Variants in PHACTR1 observed in about 807,000 individuals in gnomAD.
PHACTR1 encodes the protein phosphatase and actin regulator 1.
In PHACTR1, 16 loss-of-function variants were observed where a neutral mutation model predicts 69.2. The observed-to-expected ratio is 0.23, with a 90% CI of 0.16 to 0.35. The LOEUF is 0.35. Ranked by LOEUF, PHACTR1 falls within the 10% of genes least tolerant of loss-of-function variation. PHACTR1 has a pLI of 1.00. For synonymous variants in PHACTR1, 312 were observed against 284.5 expected (o/e 1.10, Z -0.97); for missense variants, 510 against 734.7 (o/e 0.69, Z 3.54).
In PHACTR1 at chr6:13,131,875, A is replaced by AC. The variant is rs1583496885; in HGVS notation, c.416-28329_416-28328insC. 2.6e-5 allele frequency among the ~76,000 whole-genome samples: 4 copies of AC among 152,360 alleles called. No homozygotes were observed. In the East Asian group the frequency reaches 7.7e-4, roughly 29 times the overall value. ...TCCTTTCCTGTTATTTTATTAATGT[A>AC]GAAAGGGAATTCACAAAGCTGGAAG... On this transcript the variant is annotated intron_variant, in intron 5 of 14. Transcript: ENST00000332995.
At chr6:12,851,800 C>A (rs1779853290) in intron 4 of PHACTR1, among the ~76,000 whole-genome samples, 1 of 152,028 alleles carries the variant, frequency 6.6e-6, no homozygotes, top group Admixed American at 6.6e-5. Flanking sequence ...GGTACTACCA[C>A]TGAAAAACAA....
chr6:13,084,995 AT>A (rs1812038823), intron 5 of PHACTR1, among the ~76,000 whole-genome samples: 1 of 152,156 alleles, frequency 6.6e-6, no homozygotes, highest in Non-Finnish European at 1.5e-5. Context: ...AGAAATATTA[AT>A]AAATCCAAAT....
Position 13,283,362 on chromosome 6 carries a change from G to C in PHACTR1, c.1510-60G>C. ...TCCACACCTGCAAGTTCACAGACAGGACCAAGTGCCATGGTCAACCCTTCT... is the reference window on the plus strand; with the variant it reads ...TCCACACCTGCAAGTTCACAGACAGCACCAAGTGCCATGGTCAACCCTTCT... On this transcript the variant is annotated intron_variant, in intron 12 of 14. Coordinates refer to ENST00000332995, the MANE Select transcript of PHACTR1 (RefSeq NM_030948.6). This position sits in a 1 kb window ranked among gnomAD's most constrained non-coding sequence, Gnocchi z 4.7. 6.3e-7 allele frequency: 1 copy of C among 1,594,200 alleles called. No homozygotes were observed. Among genetic ancestry groups the C allele is most frequent in the East Asian group, 2.2e-5 (1 of 44,612 alleles).
chr6:13,044,700 G>C (rs930952244), intron 4 of PHACTR1, among the ~76,000 whole-genome samples: 1 of 152,182 alleles, frequency 6.6e-6, no homozygotes, highest in Non-Finnish European at 1.5e-5. Flanking sequence ...TTAGGTGGTA[G>C]ATTCCGGATC....
intron 4 of PHACTR1, among the ~76,000 whole-genome samples, chr6:13,013,842 C>T (rs1189612735): frequency 6.7e-6 from 1 of 148,812 alleles, no homozygotes; most frequent in African/African-American, 2.4e-5. Flanking sequence ...AGTGGCAGCG[C>T]GCGGGGGCCG....
At chr6:13,107,641 G>T (rs1816384198) in intron 5 of PHACTR1, among the ~76,000 whole-genome samples, 1 of 152,020 alleles carries the variant, frequency 6.6e-6, no homozygotes, top group South Asian at 2.1e-4. Context: ...TAGTTGTTGA[G>T]TTTATTAACC....
At chr6:12,836,444 A>T (rs1778173363) in intron 4 of PHACTR1, among the ~76,000 whole-genome samples, 1 of 152,168 alleles carries the variant, frequency 6.6e-6, no homozygotes. Context: ...CCCTTGTTGT[A>T]TCCTTTTATT....
chr6:12,728,045 C>A (rs9367216), intron 3 of PHACTR1, among the ~76,000 whole-genome samples: 17,042 of 152,162 alleles, frequency 0.11, 1,272 homozygotes, highest in African/African-American at 0.19. Flanking sequence ...GGCACAGTGG[C>A]TCACACCTGT....
Position 13,270,726 on chromosome 6 carries a change from GT to G in PHACTR1, c.1392-2133del, listed in dbSNP as rs371388558. 2.2e-4 allele frequency among the ~76,000 whole-genome samples: 33 copies of G among 152,262 alleles called. No homozygotes were observed. The East Asian group carries it at 4.8e-3, about 22-fold the overall frequency. On this transcript the variant is annotated intron_variant, in intron 10 of 14. Coordinates refer to ENST00000332995, the MANE Select transcript of PHACTR1 (RefSeq NM_030948.6). The stretch of plus-strand genomic sequence containing the variant: ...AGGGTGCTATAGGCTTTATAAGCAG[GT>G]ATATGACCAAAAATCCTTTCTCTGA...
At chr6:13,016,632 GT>G (rs59575469) in intron 4 of PHACTR1, among the ~76,000 whole-genome samples, 3,546 of 142,264 alleles carry the variant, frequency 0.025, 122 homozygotes, top group African/African-American at 0.077. Context: ...TTACTCAAGA[GT>G]TTTTTTTTTT....
intron 8 of PHACTR1, among the ~76,000 whole-genome samples, chr6:13,207,250 TACTC>T (rs1425623095): frequency 2.6e-5 from 4 of 152,340 alleles, no homozygotes; most frequent in East Asian, 1.9e-4. Context: ...ACTTTTATGA[TACTC>T]AAAAGAATTA....
chr6:13,124,065 G>A (rs1819151280), intron 5 of PHACTR1, among the ~76,000 whole-genome samples: 1 of 152,164 alleles, frequency 6.6e-6, no homozygotes, highest in Non-Finnish European at 1.5e-5. Flanking sequence ...CTATCCAAAA[G>A]GCTGAGCCAA....
chr6:12,775,546 T>C (rs1272856592), intron 4 of PHACTR1, among the ~76,000 whole-genome samples: 1 of 152,196 alleles, frequency 6.6e-6, no homozygotes, highest in Non-Finnish European at 1.5e-5. Flanking sequence ...TTATTTGTGA[T>C]TGCCAAGAAA....
intron 4 of PHACTR1, among the ~76,000 whole-genome samples, chr6:12,788,902 G>A (rs1251675338): frequency 6.6e-6 from 1 of 152,198 alleles, no homozygotes; most frequent in Non-Finnish European, 1.5e-5. Flanking sequence ...CAAGATGAGA[G>A]GAATAATGTG....
intron 4 of PHACTR1, among the ~76,000 whole-genome samples, chr6:13,022,125 C>T (rs142689030): frequency 1.7e-3 from 261 of 152,306 alleles, no homozygotes; most frequent in African/African-American, 5.8e-3. Flanking sequence ...AGTTTAACTT[C>T]TTAAAGCAAT....
At chr6:12,743,338 A>T (rs1006761878) in intron 3 of PHACTR1, among the ~76,000 whole-genome samples, 1 of 152,220 alleles carries the variant, frequency 6.6e-6, no homozygotes, top group African/African-American at 2.4e-5. Flanking sequence ...TGTTTGCAAA[A>T]GTAAACCTTA....
At chr6:13,228,913 CTCAA>C (rs1247326345) in intron 9 of PHACTR1, among the ~76,000 whole-genome samples, 11 of 152,256 alleles carry the variant, frequency 7.2e-5, no homozygotes, top group Non-Finnish European at 1.2e-4. Flanking sequence ...AAAAGCACTA[CTCAA>C]TCAAGCCCAA....
chr6:13,256,874 C>G (rs77681799), intron 10 of PHACTR1, among the ~76,000 whole-genome samples: 2,196 of 152,290 alleles, frequency 0.014, 44 homozygotes, highest in African/African-American at 0.049. Flanking sequence ...CTCTCTTCTT[C>G]TGAGCCCTAC....
At chr6:12,836,945 C>A (rs570312236) in intron 4 of PHACTR1, among the ~76,000 whole-genome samples, 1 of 152,254 alleles carries the variant, frequency 6.6e-6, no homozygotes, top group African/African-American at 2.4e-5. Context: ...TTACCCCAAC[C>A]AATCAATGAC....
Sources: gnomAD v4.1 joint callset for allele counts (sites outside exome capture counted in the v4.1 genomes callset) on GRCh38, gnomAD v4.1.1 for gene constraint, Gnocchi (gnomAD v3.1) non-coding constraint, MANE v1.5 for transcripts, NCBI Gene and HGNC (gene_info 2026-07-23, HGNC 2026-07-21) for gene names.